Variants in GRID2 observed in about 807,000 individuals in gnomAD.
GRID2 encodes the protein glutamate receptor ionotropic, delta-2.
In GRID2, 33 loss-of-function variants were observed where a neutral mutation model predicts 114.8. The ratio of observed to expected loss-of-function variants is 0.29; its 90% CI spans 0.22 to 0.38. The LOEUF is 0.38. Ranked by LOEUF, GRID2 falls within the 10% of genes least tolerant of loss-of-function variation. The pLI, the probability that GRID2 is intolerant of heterozygous loss-of-function variation, is 1.00. For missense variants in GRID2, 1,184 were observed against 1,257.7 expected (o/e 0.94, Z 0.89); for synonymous variants, 505 against 449.9 (o/e 1.12, Z -1.55).
chr4:93,613,204 T>C (rs62320923), intron 13 of GRID2, among the ~76,000 whole-genome samples: 17,889 of 141,560 alleles, frequency 0.13, 1,437 homozygotes, highest in Middle Eastern at 0.25. Flanking sequence ...ATTCTAGTTA[T>C]ACATTCTTCT....
At chr4:93,579,236 C>G (rs1736732706) in intron 13 of GRID2, among the ~76,000 whole-genome samples, 1 of 152,052 alleles carries the variant, frequency 6.6e-6, no homozygotes, top group South Asian at 2.1e-4. Context: ...TCTGAACATT[C>G]CAAACCGTTT....
intron 14 of GRID2, among the ~76,000 whole-genome samples, chr4:93,764,823 C>A (rs940703386): frequency 6.6e-6 from 1 of 152,124 alleles, no homozygotes; most frequent in Admixed American, 6.5e-5. Flanking sequence ...GCAAATACTG[C>A]CATCTTGTGG....
chr4:93,661,648 G>A (rs1723503702), intron 14 of GRID2, among the ~76,000 whole-genome samples: 1 of 152,148 alleles, frequency 6.6e-6, no homozygotes, highest in Non-Finnish European at 1.5e-5. Flanking sequence ...AGTGACCGAA[G>A]CCTCACAGAA....
At chr4:92,478,887 C>CA (rs757405081) in intron 1 of GRID2, among the ~76,000 whole-genome samples, 6 of 152,108 alleles carry the variant, frequency 3.9e-5, no homozygotes, top group Non-Finnish European at 7.4e-5. Context: ...TAGGAACACT[C>CA]ACAGCAATTC....
chr4:93,171,902 G>A (rs1738862593), intron 4 of GRID2, among the ~76,000 whole-genome samples: 1 of 152,164 alleles, frequency 6.6e-6, no homozygotes, highest in South Asian at 2.1e-4. Flanking sequence ...AGGTGTGTTA[G>A]TAAAGAGATT....
chr4:93,780,139 AAAG>A (rs765747071), intron 1 of GRID2, among the ~76,000 whole-genome samples: 6 of 152,186 alleles, frequency 3.9e-5, no homozygotes, highest in Non-Finnish European at 8.8e-5. Flanking sequence ...AAACAAAGCA[AAAG>A]AAGAACAAGG....
chr4:93,250,517 A>T (rs1748757649), intron 8 of GRID2, among the ~76,000 whole-genome samples: 1 of 146,634 alleles, frequency 6.8e-6, no homozygotes, highest in Non-Finnish European at 1.5e-5. Flanking sequence ...TCTGCTATTG[A>T]TTTGGGTACT....
chr4:92,492,381 A>T (rs1212043487), intron 1 of GRID2, among the ~76,000 whole-genome samples: 1 of 152,170 alleles, frequency 6.6e-6, no homozygotes, highest in Non-Finnish European at 1.5e-5. Context: ...TTTTTGACAA[A>T]ATGATGTTTA....
At chr4:92,840,876 C>T (rs146581511) in intron 2 of GRID2, among the ~76,000 whole-genome samples, 1 of 152,098 alleles carries the variant, frequency 6.6e-6, no homozygotes, top group East Asian at 1.9e-4. Flanking sequence ...ATTTTTGTTT[C>T]TCTTGGTACT....
intron 2 of GRID2, among the ~76,000 whole-genome samples, chr4:92,695,405 T>TA (rs1226230562): frequency 6.6e-6 from 1 of 152,148 alleles, no homozygotes; most frequent in Non-Finnish European, 1.5e-5. Context: ...AATACAATGA[T>TA]ACCGTAAACC....
intron 2 of GRID2, among the ~76,000 whole-genome samples, chr4:92,934,677 T>C (rs1445537828): frequency 1.4e-5 from 2 of 146,540 alleles, no homozygotes; most frequent in African/African-American, 4.9e-5. Flanking sequence ...ATGGTACTGG[T>C]ACCAAAACAG....
At chr4:92,369,173 T>C (rs572408357) in intron 1 of GRID2, among the ~76,000 whole-genome samples, 1 of 152,140 alleles carries the variant, frequency 6.6e-6, no homozygotes, top group East Asian at 1.9e-4. Context: ...ATATATTATT[T>C]TTTCCTAGGT....
At chr4:93,033,557 C>T (rs1045295601) in intron 2 of GRID2, among the ~76,000 whole-genome samples, 2 of 152,222 alleles carry the variant, frequency 1.3e-5, no homozygotes, top group African/African-American at 4.8e-5. Context: ...CATGACTGAT[C>T]TTAGGAGGTC....
At chr4:93,150,024 G>C (rs145135911) in intron 4 of GRID2, among the ~76,000 whole-genome samples, 5 of 151,820 alleles carry the variant, frequency 3.3e-5, no homozygotes, top group African/African-American at 1.2e-4. Flanking sequence ...TTTGCACTTC[G>C]ACAGAGGGCA....
chr4:92,548,401 A>ATTTTTTTTGTTTTTTTTTTTTTTTTTTT (rs1726385981), intron 1 of GRID2, among the ~76,000 whole-genome samples: 1 of 60,808 alleles, frequency 1.6e-5, no homozygotes, highest in Non-Finnish European at 2.7e-5. Context: ...AGACTGTGTA[A>ATTTTTTTTGTTTTTTTTTTTTTTTTTTT]TTTTTTTTTT....
intron 1 of GRID2, among the ~76,000 whole-genome samples, chr4:92,393,530 A>G (rs1003430210): frequency 7.2e-5 from 11 of 152,158 alleles, no homozygotes; most frequent in African/African-American, 2.2e-4. Flanking sequence ...ATAGTCTTAT[A>G]TGTACTTATA....
At chr4:92,953,296 C>T (rs1181116651) in intron 2 of GRID2, among the ~76,000 whole-genome samples, 7 of 151,980 alleles carry the variant, frequency 4.6e-5, no homozygotes, top group Non-Finnish European at 8.8e-5. Flanking sequence ...AAAATGATGT[C>T]GAAAAGTAAG....
At position 93,390,793 on chromosome 4, in the gene GRID2, A is replaced by T. The variant is rs534710883; in HGVS notation, c.1246-4814A>T. Among the ~76,000 whole-genome samples, 34 of 152,154 alleles carry T rather than the reference A, an allele frequency of 2.2e-4. No individual in the cohort carries two copies. The South Asian group carries it at 6.6e-3, about 30-fold the overall frequency. ...TATACATATGTGTATATAGACATAT[A>T]TATGTATATATTTATTCAAATATGT... On this transcript the variant is annotated intron_variant, in intron 8 of 15. Transcript: ENST00000282020.
At chr4:93,361,233 G>A (rs1316283146) in intron 8 of GRID2, among the ~76,000 whole-genome samples, 1 of 151,982 alleles carries the variant, frequency 6.6e-6, no homozygotes, top group Non-Finnish European at 1.5e-5. Context: ...GGGAATTTAT[G>A]TAAGTTGTTC....
Sources: gnomAD v4.1 joint callset for allele counts (sites outside exome capture counted in the v4.1 genomes callset) on GRCh38, gnomAD v4.1.1 for gene constraint, MANE v1.5 for transcripts, NCBI Gene and HGNC (gene_info 2026-07-23, HGNC 2026-07-21) for gene names.